USP48: variants seen among roughly 807,000 people sequenced by gnomAD.
USP48 encodes the protein ubiquitin specific peptidase 48, also known as ubiquitin carboxyl-terminal hydrolase 48.
USP48 carries 43 observed loss-of-function variants against 150.7 expected under a neutral mutation model. That is an observed-to-expected ratio of 0.29 (90% CI 0.22 to 0.37). The LOEUF is 0.37. Ranked by LOEUF, USP48 falls within the 10% of genes least tolerant of loss-of-function variation. The pLI is 1.00. For synonymous variants in USP48, 396 were observed against 425.9 expected, an observed-to-expected ratio of 0.93 and a Z score of 0.86; for missense variants, 813 against 1,249.6, an observed-to-expected ratio of 0.65 and a Z score of 5.27.
intron 21 of USP48, among the ~76,000 whole-genome samples, chr1:21,701,948 C>A (rs2097658235): frequency 6.6e-6 from 1 of 152,118 alleles, no homozygotes; most frequent in Non-Finnish European, 1.5e-5. Context: ...GATTGCCAAG[C>A]CTTTTCAAGT....
At position 21,756,804 on chromosome 1, in the gene USP48, G is replaced by A. The variant is rs2097837019; in HGVS notation, c.256-102C>T. ...TTTCAGATTAAAAATGTGTAAGACC[G>A]TCACAACCAACATGGTATAGCCACC... On this transcript the variant is annotated intron_variant, in intron 2 of 26. Coordinates refer to ENST00000308271, the MANE Select transcript of USP48 (RefSeq NM_032236.8). 4.6e-6 allele frequency: 7 copies of A among 1,510,280 alleles called. No homozygotes were observed. The South Asian group carries it at 6.3e-5, about 14-fold the overall frequency. 93.6% of individuals were successfully genotyped at this position (1,510,280 alleles called of 1,614,324 possible).
chr1:21,702,019 GGAA>G (rs1161360274), intron 21 of USP48, among the ~76,000 whole-genome samples: 1 of 152,134 alleles, frequency 6.6e-6, no homozygotes, highest in Non-Finnish European at 1.5e-5. Context: ...AACGAAAGAT[GGAA>G]GAAGCGCTCT....
rs1044894829 is a variant in USP48, at chr1:21,756,559, G to C, written c.399C>G (p.Ile133Met). 2 of 1,579,274 alleles carry C rather than the reference G, an allele frequency of 1.3e-6. No individual in the cohort carries two copies. The highest frequency in any genetic ancestry group is 1.7e-6 in the Non-Finnish European group (2 of 1,169,138). Residue 133 changes from isoleucine to methionine, a missense_variant, in exon 3 of 27, where the codon ATC becomes ATG. Transcript: ENST00000308271. ...CTTTCCACCCACCTTTTTCTTCTTGGATGCCGTCTCCCAGCATGTAGTCAC... is the reference window on the plus strand; with the variant it reads ...CTTTCCACCCACCTTTTTCTTCTTGCATGCCGTCTCCCAGCATGTAGTCAC... ...TCSDYMLGDG[I>M]QEEKDYEPQT...
At chr1:21,775,442 A>G (rs1469362694) in intron 1 of USP48, among the ~76,000 whole-genome samples, 1 of 152,028 alleles carries the variant, frequency 6.6e-6, no homozygotes, top group African/African-American at 2.4e-5. Context: ...TTTAGTAGAA[A>G]TGGGTTTTTG....
At chr1:21,703,747 T>C in intron 20 of USP48, 129 bp from the exon 21 acceptor site, 1 of 768,868 alleles carries the variant, frequency 1.3e-6, no homozygotes, top group Non-Finnish European at 2.1e-6. Flanking sequence ...ATTTTCTTTT[T>C]TTGAGACAAG....
At chr1:21,724,184 ACT>A in intron 11 of USP48, 89 bp from the exon 12 acceptor site, 2 of 1,293,946 alleles carry the variant, frequency 1.5e-6, no homozygotes, top group East Asian at 2.5e-5. Flanking sequence ...GACAATGCAA[ACT>A]CTGTCCAGAG....
intron 14 of USP48, among the ~76,000 whole-genome samples, 198 bp from the exon 15 acceptor site, chr1:21,715,655 G>A (rs2097702155): frequency 6.6e-6 from 1 of 152,152 alleles, no homozygotes. Flanking sequence ...ACATCTCAAT[G>A]ACAGTTAACT....
chr1:21,687,859 A>C (rs2097583919), intron 24 of USP48, among the ~76,000 whole-genome samples: 1 of 152,126 alleles, frequency 6.6e-6, no homozygotes, highest in Non-Finnish European at 1.5e-5. Context: ...CTAGCAACTC[A>C]ATGTGTTTTC....
At chr1:21,736,753 T>G in intron 8 of USP48, 128 bp from the exon 9 acceptor site, 1 of 771,356 alleles carries the variant, frequency 1.3e-6, no homozygotes, top group South Asian at 3.8e-5. Flanking sequence ...CCTAAAATTT[T>G]TACAAATTAG....
chr1:21,697,054 G>A (rs964177951), intron 22 of USP48, among the ~76,000 whole-genome samples: 5 of 152,148 alleles, frequency 3.3e-5, no homozygotes, highest in South Asian at 2.1e-4. Flanking sequence ...TTCCACAGTC[G>A]TCACTGAATG....
intron 5 of USP48, among the ~76,000 whole-genome samples, chr1:21,751,835 C>T (rs1340783753): frequency 2.6e-5 from 4 of 151,898 alleles, no homozygotes; most frequent in Non-Finnish European, 5.9e-5. Context: ...CTGACCAACA[C>T]GGTGAAACCC....
intron 8 of USP48, among the ~76,000 whole-genome samples, chr1:21,741,327 G>T (rs1311089839): frequency 2.0e-5 from 3 of 152,214 alleles, no homozygotes; most frequent in Admixed American, 1.3e-4. Flanking sequence ...GTAGAGACAA[G>T]AATTAGACTG....
intron 14 of USP48, among the ~76,000 whole-genome samples, chr1:21,718,359 G>A (rs1342707984): frequency 6.6e-6 from 1 of 152,184 alleles, no homozygotes; most frequent in Non-Finnish European, 1.5e-5. Flanking sequence ...TGTATCTGGT[G>A]GGAAGGCTTT....
chr1:21,682,739 G>A (rs1378954256), intron 25 of USP48, among the ~76,000 whole-genome samples: 3 of 152,094 alleles, frequency 2.0e-5, no homozygotes, highest in African/African-American at 7.2e-5. Flanking sequence ...GCTGGGCATG[G>A]TGGCAGGCGC....
intron 9 of USP48, among the ~76,000 whole-genome samples, chr1:21,733,623 C>T (rs2097762175): frequency 6.6e-6 from 1 of 151,862 alleles, no homozygotes; most frequent in Non-Finnish European, 1.5e-5. Context: ...GAATGAGATA[C>T]CAATGGGTGT....
intron 8 of USP48, among the ~76,000 whole-genome samples, chr1:21,741,317 G>A (rs1464249036): frequency 6.6e-6 from 1 of 152,228 alleles, no homozygotes; most frequent in African/African-American, 2.4e-5. Context: ...CAGGCCTCTT[G>A]TAGAGACAAG....
At chr1:21,756,953 G>C in intron 2 of USP48, 2 of 985,338 alleles carry the variant, frequency 2.0e-6, no homozygotes, top group Non-Finnish European at 2.4e-6. Context: ...GTCTTCTCCA[G>C]CCACTTAAAT....
At chr1:21,728,030 A>C in intron 11 of USP48, 2 of 985,490 alleles carry the variant, frequency 2.0e-6, no homozygotes, top group Non-Finnish European at 2.4e-6. Flanking sequence ...AACCTGAATA[A>C]ACATATACAG....
chr1:21,766,885 C>T (rs1324102749), intron 1 of USP48, among the ~76,000 whole-genome samples: 2 of 151,934 alleles, frequency 1.3e-5, no homozygotes, highest in Non-Finnish European at 2.9e-5. Flanking sequence ...GCCAACATGG[C>T]AAAACCCCGT....
Sources: allele counts gnomAD v4.1 joint callset (sites outside exome capture counted in the v4.1 genomes callset), GRCh38; gene constraint gnomAD v4.1.1; transcripts MANE v1.5; gene names NCBI Gene and HGNC (gene_info 2026-07-23, HGNC 2026-07-21).